The following TICRR variants were observed in gnomAD, a reference collection of about 807,000 sequenced individuals.
TICRR encodes treslin.
In TICRR, 132 loss-of-function variants were observed where a neutral mutation model predicts 178.1. The ratio of observed to expected loss-of-function variants is 0.74; its 90% CI spans 0.64 to 0.86. The LOEUF (loss-of-function observed/expected upper bound fraction) is 0.86, where lower values mean the gene tolerates loss of function less well. Among genes scored for constraint, TICRR ranks in the 40% least tolerant of loss-of-function variants. TICRR has a pLI of 0.00. For missense variants in TICRR, 2,587 were observed against 2,334.3 expected (o/e 1.11, Z -2.23); for synonymous variants, 991 against 900.7 (o/e 1.10, Z -1.79).
Position 89,594,421 on chromosome 15 carries a change from A to G in TICRR, c.1548A>G (p.Leu516=). 2.5e-6 allele frequency: 4 copies of G among 1,610,946 alleles called. No homozygotes were observed. Among genetic ancestry groups the G allele is most frequent in the Admixed American group, 1.7e-5 (1 of 59,268 alleles). The change falls in exon 6 of 22, where the codon CTA becomes CTG. Residue 516 remains leucine (L), a synonymous_variant. Coordinates refer to ENST00000268138, the MANE Select transcript of TICRR (RefSeq NM_152259.4). ...SSDLMESFGL[L]QAASANKEES... ...AGACATCTTGACTTCACAGGTTACT[A>G]CAGGCTGCCTCAGCTAATAAGGAAG...
At chr15:89,621,160 C>T (rs1963418752) in intron 18 of TICRR, among the ~76,000 whole-genome samples, 2 of 152,116 alleles carry the variant, frequency 1.3e-5, no homozygotes, top group Admixed American at 6.5e-5. Flanking sequence ...GCTGGGATTA[C>T]AGGCCCCTGC....
intron 16 of TICRR, 73 bp from the exon 17 acceptor site, chr15:89,618,079 A>G: frequency 3.5e-6 from 5 of 1,435,436 alleles, no homozygotes; most frequent in Non-Finnish European, 3.9e-6. Context: ...GTTAAGTGAG[A>G]AGCTGCCTGT....
chr15:89,590,230 C>T (rs1191562381), intron 4 of TICRR, among the ~76,000 whole-genome samples: 2 of 152,104 alleles, frequency 1.3e-5, no homozygotes, highest in African/African-American at 2.4e-5. Context: ...TACAGCACTG[C>T]GCTCCTCTGG....
At chr15:89,614,381 C>A (rs569037345) in intron 15 of TICRR, among the ~76,000 whole-genome samples, 1 of 148,878 alleles carries the variant, frequency 6.7e-6, no homozygotes, top group East Asian at 2.0e-4. Flanking sequence ...GTGGTATGAT[C>A]TTGGCTCACT....
At chr15:89,596,484 T>C (rs936299878) in intron 7 of TICRR, among the ~76,000 whole-genome samples, 4 of 152,082 alleles carry the variant, frequency 2.6e-5, no homozygotes, top group Admixed American at 2.6e-4. Context: ...GTAGCTGGGA[T>C]TACAGGCGCA....
Position 89,588,009 on chromosome 15 carries a change from A to C in TICRR, c.1411+2067A>C, listed in dbSNP as rs2141956123. ...GAGGGCTTTGAGGAAGTGCAAGTGG[A>C]GGGGTTGGTCTTGGGAACAAGCACA... On this transcript the variant is annotated intron_variant, in intron 4 of 21. Coordinates refer to ENST00000268138, the MANE Select transcript of TICRR (RefSeq NM_152259.4). Among the ~76,000 whole-genome samples, 4 of 152,214 alleles carry C rather than the reference A, an allele frequency of 2.6e-5. 1 individual carries two copies. In the Middle Eastern group the frequency reaches 0.01, roughly 388 times the overall value.
intron 5 of TICRR, among the ~76,000 whole-genome samples, chr15:89,593,672 C>G (rs1409476505): frequency 6.6e-6 from 1 of 152,190 alleles, no homozygotes; most frequent in East Asian, 1.9e-4. Flanking sequence ...CGCCACTGCA[C>G]TCCAGGATGG....
At chr15:89,615,523 A>C (rs1963321643) in intron 15 of TICRR, among the ~76,000 whole-genome samples, 1 of 152,194 alleles carries the variant, frequency 6.6e-6, no homozygotes, top group African/African-American at 2.4e-5. Context: ...GCAAACCTTT[A>C]ATTAATGTTC....
chr15:89,583,257 T>G (rs1317877362), intron 2 of TICRR, among the ~76,000 whole-genome samples: 2 of 152,208 alleles, frequency 1.3e-5, no homozygotes. Flanking sequence ...CCCAAGCACA[T>G]GGGTATACGA....
chr15:89,601,239 G>C lies in TICRR; in HGVS notation c.2154-59G>C. The C allele has an allele frequency of 3.4e-6, 5 of 1,462,932 alleles. No homozygotes were observed. The East Asian group carries it at 9.1e-5, about 27-fold the overall frequency. 90.6% of individuals were successfully genotyped at this position (1,462,932 alleles called of 1,614,324 possible). ...TATAAATAGATCTATGCTTACGGAA[G>C]GAGCTTTTTGTTTAGTGACATCCAA... On this transcript the variant is annotated intron_variant, in intron 9 of 21. Coordinates refer to ENST00000268138, the MANE Select transcript of TICRR (RefSeq NM_152259.4).
chr15:89,593,995 G>A (rs1962955476), intron 5 of TICRR, among the ~76,000 whole-genome samples: 1 of 152,022 alleles, frequency 6.6e-6, no homozygotes, highest in African/African-American at 2.4e-5. Flanking sequence ...TCCCAAATTA[G>A]TTTATTACAA....
intron 21 of TICRR, 87 bp downstream of exon 21, chr15:89,626,148 G>T: frequency 6.6e-7 from 1 of 1,518,268 alleles, no homozygotes; most frequent in Non-Finnish European, 8.9e-7. Context: ...TTCTAGAGGA[G>T]CCCCAGGGAG....
intron 1 of TICRR, among the ~76,000 whole-genome samples, chr15:89,577,031 C>G (rs916223574): frequency 2.6e-4 from 40 of 151,754 alleles, no homozygotes; most frequent in African/African-American, 9.2e-4. Flanking sequence ...GTAGCTGAGA[C>G]TACAGGCCCA....
At chr15:89,583,998 A>G (rs531291216) in intron 2 of TICRR, among the ~76,000 whole-genome samples, 8 of 152,306 alleles carry the variant, frequency 5.3e-5, no homozygotes, top group African/African-American at 1.7e-4. Flanking sequence ...TTCAATACTT[A>G]TACTTATTTC....
chr15:89,576,907 A>G (rs1271765163), intron 1 of TICRR, among the ~76,000 whole-genome samples: 1 of 147,462 alleles, frequency 6.8e-6, no homozygotes, highest in Non-Finnish European at 1.5e-5. Context: ...ACATATATAT[A>G]TTTATTTATT....
Position 89,627,029 on chromosome 15 carries a change from C to G in TICRR, c.5676C>G (p.Pro1892=). Residue 1892 remains proline, a synonymous_variant, in exon 22 of 22, where the codon CCC becomes CCG. Coordinates refer to ENST00000268138, the MANE Select transcript of TICRR (RefSeq NM_152259.4). ...GTCGCGCTTTCTCCAGGAGGCGCCC[C>G]ATCAGCAGAACTTATACACGGAAGA... The part of the protein sequence containing the change: ...PFSRAFSRRR[P]ISRTYTRKKL... 6.2e-7 allele frequency: 1 copy of G among 1,614,120 alleles called. No homozygotes were observed. The highest frequency in any genetic ancestry group is 1.1e-5 in the South Asian group (1 of 91,078).
intron 16 of TICRR, 51 bp downstream of exon 16, chr15:89,616,546 G>A (rs756297050): frequency 1.1e-5 from 16 of 1,494,794 alleles, no homozygotes; most frequent in Admixed American, 5.2e-5. Context: ...CCACCTCAAA[G>A]CGGCCTTGTG....
At chr15:89,589,538 C>A (rs1233137729) in intron 4 of TICRR, among the ~76,000 whole-genome samples, 1 of 152,100 alleles carries the variant, frequency 6.6e-6, no homozygotes, top group Non-Finnish European at 1.5e-5. Flanking sequence ...CAGAGGGAGG[C>A]TTGAGACTTG....
chr15:89,621,475 C>G lies in TICRR; in HGVS notation c.3237C>G (p.Pro1079=). 1 of 1,614,136 alleles carries G rather than the reference C, an allele frequency of 6.2e-7. No homozygotes were observed. Among genetic ancestry groups the G allele is most frequent in the African/African-American group, 1.3e-5 (1 of 75,054 alleles). ...GGGCAATGTCTGAGATGATCAGCCC[C>G]TCAGAAAAGGGTTCAGCTCGAATGA... is the stretch of plus-strand genomic sequence containing the variant. ...LFGAMSEMIS[P]SEKGSARMKK... is the part of the protein sequence containing the mutation. Residue 1079 remains proline, a synonymous_variant, in exon 19 of 22, where the codon CCC becomes CCG. Coordinates refer to ENST00000268138, the MANE Select transcript of TICRR (RefSeq NM_152259.4).
Sources: gnomAD v4.1 joint callset for allele counts (sites outside exome capture counted in the v4.1 genomes callset) on GRCh38, gnomAD v4.1.1 for gene constraint, MANE v1.5 for transcripts, NCBI Gene and HGNC (gene_info 2026-07-23, HGNC 2026-07-21) for gene names.